Variants in COLEC10 observed in about 807,000 individuals in gnomAD.
The protein encoded by COLEC10 is collectin subfamily member 10, also known as collectin-10.
Under a neutral mutation model 28.4 loss-of-function variants are expected in COLEC10, and 22 were observed. The ratio of observed to expected loss-of-function variants is 0.78; its 90% CI spans 0.55 to 1.11. The LOEUF is 1.11. Ranked by LOEUF, COLEC10 falls within the 50% of genes least tolerant of loss-of-function variation. COLEC10 has a pLI of 0.00. For synonymous variants in COLEC10, 125 were observed against 116.1 expected, an observed-to-expected ratio of 1.08 and a Z score of -0.49; for missense variants, 361 against 344.1, an observed-to-expected ratio of 1.05 and a Z score of -0.39.
At chr8:119,098,086 T>C (rs376953047) in intron 3 of COLEC10, among the ~76,000 whole-genome samples, 5 of 152,126 alleles carry the variant, frequency 3.3e-5, no homozygotes, top group Middle Eastern at 3.4e-3. Flanking sequence ...AGTTATTGTT[T>C]CTTAGGCTAT....
intron 2 of COLEC10, among the ~76,000 whole-genome samples, chr8:119,056,761 G>T (rs1270964411): frequency 6.6e-6 from 1 of 151,490 alleles, no homozygotes; most frequent in Non-Finnish European, 1.5e-5. Flanking sequence ...TCTAATATTG[G>T]CATTCTTTTT....
intron 3 of COLEC10, among the ~76,000 whole-genome samples, chr8:119,096,935 A>G (rs1164618087): frequency 1.3e-5 from 2 of 152,062 alleles, no homozygotes; most frequent in Non-Finnish European, 2.9e-5. Flanking sequence ...TCACTATACC[A>G]TGGAAATAAA....
the COLEC10 span, among the ~76,000 whole-genome samples, chr8:118,981,423 C>A: frequency 2.0e-5 from 3 of 151,784 alleles, no homozygotes; most frequent in Non-Finnish European, 4.4e-5. Context: ...TTATTTTACA[C>A]TTTTAATGCT....
the COLEC10 span, among the ~76,000 whole-genome samples, chr8:118,965,182 A>G: frequency 6.6e-6 from 1 of 151,732 alleles, no homozygotes; most frequent in South Asian, 2.1e-4. Context: ...ATTATAAGAT[A>G]CAGAGGCAGG....
chr8:119,043,770 A>G (rs1448570733), intron 2 of COLEC10, among the ~76,000 whole-genome samples: 1 of 152,200 alleles, frequency 6.6e-6, no homozygotes, highest in Admixed American at 6.5e-5. Context: ...CGGAATTCCA[A>G]GGCCGTGATG....
At chr8:118,956,989 C>T in the COLEC10 span, among the ~76,000 whole-genome samples, 3 of 152,232 alleles carry the variant, frequency 2.0e-5, no homozygotes, top group East Asian at 5.8e-4. Flanking sequence ...AGAGTGAATT[C>T]CTTCCTGAAA....
At chr8:118,957,808 T>A in the COLEC10 span, among the ~76,000 whole-genome samples, 1 of 152,112 alleles carries the variant, frequency 6.6e-6, no homozygotes, top group Non-Finnish European at 1.5e-5. Flanking sequence ...AGGAGCTCAT[T>A]TTACCACCAT....
At chr8:119,085,599 C>CTTCTTTTTTTTTT (rs1563739053) in intron 1 of COLEC10, among the ~76,000 whole-genome samples, 4 of 63,552 alleles carry the variant, frequency 6.3e-5, no homozygotes, top group East Asian at 5.9e-4. Flanking sequence ...TCTTCTTCTT[C>CTTCTTTTTTTTTT]TTTTTTTTTT....
intron 2 of COLEC10, among the ~76,000 whole-genome samples, chr8:119,038,572 T>C (rs1214422760): frequency 6.6e-6 from 1 of 152,236 alleles, no homozygotes; most frequent in Non-Finnish European, 1.5e-5. Context: ...AACACAAAAG[T>C]TGATATGCAT....
intron 4 of COLEC10, chr8:119,102,715 C>A: frequency 3.8e-6 from 1 of 263,246 alleles, no homozygotes; most frequent in Non-Finnish European, 7.1e-6. Context: ...CCTCAGCATG[C>A]CATGCCTTGC....
At chr8:118,998,064 G>C (rs1813619727) in intron 1 of COLEC10, among the ~76,000 whole-genome samples, 1 of 152,124 alleles carries the variant, frequency 6.6e-6, no homozygotes, top group Admixed American at 6.6e-5. Context: ...TCAAATTAAA[G>C]TGATGTGATT....
chr8:119,075,030 G>T (rs150409018), intron 1 of COLEC10, among the ~76,000 whole-genome samples: 37 of 152,296 alleles, frequency 2.4e-4, no homozygotes, highest in African/African-American at 7.9e-4. Flanking sequence ...AACCATGGGA[G>T]AGCAAAACCC....
chr8:118,956,295 TA>T, the COLEC10 span, among the ~76,000 whole-genome samples: 2 of 152,322 alleles, frequency 1.3e-5, no homozygotes, highest in African/African-American at 2.4e-5. Flanking sequence ...ATTCAGTCCA[TA>T]ACAAAATGAC....
intron 1 of COLEC10, among the ~76,000 whole-genome samples, chr8:119,080,921 C>T (rs1013892621): frequency 6.6e-6 from 1 of 152,076 alleles, no homozygotes; most frequent in Admixed American, 6.6e-5. Context: ...CTTTTGCTAA[C>T]TCCTTATTTT....
At chr8:119,059,469 C>T (rs77040901) in intron 2 of COLEC10, among the ~76,000 whole-genome samples, 2,390 of 152,074 alleles carry the variant, frequency 0.016, 61 homozygotes, top group African/African-American at 0.055. Flanking sequence ...GACCCCCGAA[C>T]ATTTAGTTGT....
intron 3 of COLEC10, 24 bp from the exon 4 acceptor site, chr8:119,102,324 T>G (rs1815850067): frequency 1.3e-6 from 2 of 1,512,366 alleles, no homozygotes; most frequent in African/African-American, 2.8e-5. Flanking sequence ...TTATTTTATT[T>G]TGGTTGCTAT....
upstream of COLEC10, chr8:119,063,358 C>G (rs978384360): frequency 5.3e-5 from 8 of 152,180 alleles, no homozygotes; most frequent in African/African-American, 1.9e-4. Flanking sequence ...CTCAAGGCCA[C>G]AAGTACAAAA....
Position 119,106,082 on chromosome 8 carries a change from C to A in COLEC10, c.725C>A (p.Pro242His). Residue 242 changes from proline (P) to histidine (H), a missense_variant, in exon 6 of 6, where the codon CCC (proline) becomes CAC (histidine). Pro to His is a moderately conservative substitution (Grantham distance 77, BLOSUM62 -2). This residue lies in a region of COLEC10 where 335 missense variants were observed against 308.5 expected (regional missense o/e 1.09). Transcript: ENST00000332843. ...TGGAATGAGGGGGAACCCAGCGACC[C>A]CTATGGTCATGAGGACTGTGTGGAG... ...SNWNEGEPSD[P>H]YGHEDCVEML... is the part of the protein sequence containing the mutation. 6.2e-7 allele frequency: 1 copy of A among 1,613,878 alleles called. No homozygotes were observed. Among genetic ancestry groups the A allele is most frequent in the African/African-American group, 1.3e-5 (1 of 75,030 alleles).
chr8:119,004,957 C>T (rs530759803), intron 1 of COLEC10, among the ~76,000 whole-genome samples: 21 of 152,180 alleles, frequency 1.4e-4, no homozygotes, highest in Admixed American at 2.6e-4. Flanking sequence ...AGTTCTCTGG[C>T]ACCTTTTGCT....
Sources: allele counts gnomAD v4.1 joint callset (sites outside exome capture counted in the v4.1 genomes callset), GRCh38; gene constraint gnomAD v4.1.1; regional missense constraint gnomAD v4.1.1; transcripts MANE v1.5; gene names NCBI Gene and HGNC (gene_info 2026-07-23, HGNC 2026-07-21).